Variants in AGPS observed in about 807,000 individuals in gnomAD.
AGPS encodes alkylglycerone phosphate synthase.
In AGPS, 26 loss-of-function variants were observed where a neutral mutation model predicts 90.7. The observed-to-expected ratio is 0.29, with a 90% CI of 0.21 to 0.40. The LOEUF is 0.40. Ranked by LOEUF, AGPS falls within the 10% of genes least tolerant of loss-of-function variation. The pLI is 1.00. For synonymous variants in AGPS, 294 were observed against 285.3 expected, an observed-to-expected ratio of 1.03 and a Z score of -0.31; for missense variants, 540 against 816.1, an observed-to-expected ratio of 0.66 and a Z score of 4.12.
intron 1 of AGPS, among the ~76,000 whole-genome samples, chr2:177,411,585 GT>G (rs752623622): frequency 4.1e-4 from 63 of 152,296 alleles, no homozygotes; most frequent in Non-Finnish European, 1.2e-4. Context: ...TCAGGTTGCA[GT>G]TATGGCAGCA....
At position 177,412,816 on chromosome 2, in the gene AGPS, T is replaced by C. The variant is rs948129659; in HGVS notation, c.261-7453T>C. 2.6e-5 allele frequency among the ~76,000 whole-genome samples: 4 copies of C among 152,128 alleles called. No individual in the cohort carries two copies. The East Asian group carries it at 5.8e-4, about 22-fold the overall frequency. ...TTATAGCTCTATTAGAAGCCATGGGTCATGGAACAGAACCGTGGAACCCAG... is the reference window on the plus strand; with the variant it reads ...TTATAGCTCTATTAGAAGCCATGGGCCATGGAACAGAACCGTGGAACCCAG... On this transcript the variant is annotated intron_variant, in intron 1 of 19. Transcript: ENST00000264167.
chr2:177,513,088 T>C (rs200601255), intron 16 of AGPS, among the ~76,000 whole-genome samples: 1 of 4,004 alleles, frequency 2.5e-4, no homozygotes, highest in Non-Finnish European at 5.9e-4. Context: ...ATTGAATCAT[T>C]ATTATTATTA....
chr2:177,442,295 T>A (rs1686630943), intron 6 of AGPS, 112 bp from the exon 7 acceptor site: 2 of 822,834 alleles, frequency 2.4e-6, no homozygotes, highest in Non-Finnish European at 4.2e-6. Context: ...TATTAATAGG[T>A]ATCACTTTTC....
chr2:177,491,699 A>C (rs1013929947), intron 11 of AGPS, among the ~76,000 whole-genome samples: 5 of 148,140 alleles, frequency 3.4e-5, no homozygotes, highest in Admixed American at 1.4e-4. Context: ...TGCATATTTT[A>C]ATTGTTTTAA....
At chr2:177,402,761 A>C (rs1685363621) in intron 1 of AGPS, among the ~76,000 whole-genome samples, 1 of 152,204 alleles carries the variant, frequency 6.6e-6, no homozygotes, top group Non-Finnish European at 1.5e-5. Context: ...CACCCATTTG[A>C]AACTTCGTCT....
chr2:177,418,049 G>C (rs754089171), intron 1 of AGPS, among the ~76,000 whole-genome samples: 15 of 151,890 alleles, frequency 9.9e-5, no homozygotes, highest in Non-Finnish European at 1.5e-4. Flanking sequence ...TCCTGTTTTG[G>C]GTATAAATGC....
intron 15 of AGPS, 78 bp downstream of exon 15, chr2:177,505,653 T>C: frequency 1.5e-6 from 2 of 1,294,886 alleles, no homozygotes; most frequent in Middle Eastern, 2.0e-4. Context: ...TGAATGCAAT[T>C]GTCTTCCCTA....
Position 177,472,842 on chromosome 2 carries a change from A to G in AGPS, c.1105+4318A>G, listed in dbSNP as rs925943879. 4.6e-5 allele frequency among the ~76,000 whole-genome samples: 7 copies of G among 151,974 alleles called. No homozygotes were observed. The East Asian group carries it at 1.4e-3, about 29-fold the overall frequency. ...TGGCTTGTCTGCAAGGAGTCCACATACTTTTACGTGTGTACACGTGTACAC... is the reference window on the plus strand; with the variant it reads ...TGGCTTGTCTGCAAGGAGTCCACATGCTTTTACGTGTGTACACGTGTACAC... On this transcript the variant is annotated intron_variant, in intron 10 of 19. Transcript: ENST00000264167.
intron 13 of AGPS, among the ~76,000 whole-genome samples, chr2:177,498,903 C>T (rs932548100): frequency 1.3e-5 from 2 of 151,544 alleles, no homozygotes; most frequent in African/African-American, 4.8e-5. Context: ...GTCTATTTTT[C>T]CCTCTTGCTA....
At chr2:177,501,879 G>A (rs112117801) in intron 14 of AGPS, among the ~76,000 whole-genome samples, 4,074 of 152,214 alleles carry the variant, frequency 0.027, 85 homozygotes, top group Non-Finnish European at 0.041. Flanking sequence ...TGTTGGTCAG[G>A]CTGGTCTCGA....
intron 9 of AGPS, among the ~76,000 whole-genome samples, chr2:177,467,077 C>T (rs532314274): frequency 2.0e-5 from 3 of 151,990 alleles, no homozygotes; most frequent in Non-Finnish European, 4.4e-5. Context: ...GGTCATGCCA[C>T]CCCCACTGCA....
intron 1 of AGPS, among the ~76,000 whole-genome samples, chr2:177,419,399 C>G (rs977935836): frequency 4.6e-5 from 7 of 151,842 alleles, no homozygotes; most frequent in African/African-American, 2.4e-5. Flanking sequence ...TAAGAAGACT[C>G]ACCACCAATT....
chr2:177,486,038 C>T (rs1688083241), intron 11 of AGPS, among the ~76,000 whole-genome samples: 1 of 152,210 alleles, frequency 6.6e-6, no homozygotes, highest in South Asian at 2.1e-4. Context: ...CCTTTCTAGT[C>T]TATAGCTATG....
chr2:177,532,824 G>A (rs2079150253), intron 19 of AGPS, among the ~76,000 whole-genome samples: 1 of 152,102 alleles, frequency 6.6e-6, no homozygotes, highest in South Asian at 2.1e-4. Flanking sequence ...ATCGATACAT[G>A]CAACAACTTG....
intron 8 of AGPS, among the ~76,000 whole-genome samples, chr2:177,450,783 A>G (rs1686914865): frequency 6.6e-6 from 1 of 151,832 alleles, no homozygotes; most frequent in South Asian, 2.1e-4. Flanking sequence ...TAAAAAAAGA[A>G]AAAGTCCCAT....
intron 8 of AGPS, among the ~76,000 whole-genome samples, chr2:177,447,986 A>G (rs1395182968): frequency 3.9e-5 from 6 of 152,190 alleles, no homozygotes; most frequent in East Asian, 3.8e-4. Flanking sequence ...GGAAGCTGCT[A>G]ACATGTCAAT....
intron 1 of AGPS, among the ~76,000 whole-genome samples, chr2:177,404,326 G>C: frequency 6.6e-6 from 1 of 152,134 alleles, no homozygotes; most frequent in Non-Finnish European, 1.5e-5. Flanking sequence ...AGATGTATCA[G>C]TTTAAACCAC....
intron 18 of AGPS, among the ~76,000 whole-genome samples, chr2:177,521,669 T>C (rs1391542821): frequency 1.3e-5 from 2 of 152,220 alleles, no homozygotes; most frequent in African/African-American, 4.8e-5. Context: ...ATCTTAGATA[T>C]CACTTTCACA....
At chr2:177,417,509 T>C (rs1162205616) in intron 1 of AGPS, among the ~76,000 whole-genome samples, 2 of 152,204 alleles carry the variant, frequency 1.3e-5, no homozygotes, top group African/African-American at 4.8e-5. Context: ...ACAGTATTGA[T>C]GTAAATCAAA....
Sources: allele counts gnomAD v4.1 joint callset (sites outside exome capture counted in the v4.1 genomes callset), GRCh38; gene constraint gnomAD v4.1.1; transcripts MANE v1.5; gene names NCBI Gene and HGNC (gene_info 2026-07-23, HGNC 2026-07-21).